Variants in CNTNAP2 observed in about 807,000 individuals in gnomAD.
The protein encoded by CNTNAP2 is contactin-associated protein-like 2.
Under a neutral mutation model 155.2 loss-of-function variants are expected in CNTNAP2, and 98 were observed. The ratio of observed to expected loss-of-function variants is 0.63; its 90% confidence interval spans 0.54 to 0.75. The LOEUF (loss-of-function observed/expected upper bound fraction) is 0.75. CNTNAP2 is among the 30% of genes least tolerant of loss of function. CNTNAP2 has a pLI of 0.00. For missense variants in CNTNAP2, 1,727 were observed against 1,688.1 expected (o/e 1.02, Z -0.40); for synonymous variants, 651 against 631.2 (o/e 1.03, Z -0.47).
chr7:146,730,789 C>T (rs1801511805), intron 1 of CNTNAP2, among the ~76,000 whole-genome samples: 1 of 152,088 alleles, frequency 6.6e-6, no homozygotes, highest in Non-Finnish European at 1.5e-5. Flanking sequence ...TTTTACTTGT[C>T]ATCCTTGTTT....
intron 3 of CNTNAP2, among the ~76,000 whole-genome samples, chr7:146,869,764 C>T (rs1795270270): frequency 6.6e-6 from 1 of 152,108 alleles, no homozygotes; most frequent in South Asian, 2.1e-4. Flanking sequence ...CCAGAAGACT[C>T]AGCAAGTCAG....
At chr7:147,794,796 A>C (rs1221261259) in intron 13 of CNTNAP2, among the ~76,000 whole-genome samples, 1 of 150,762 alleles carries the variant, frequency 6.6e-6, no homozygotes, top group Non-Finnish European at 1.5e-5. Context: ...AATATATTCT[A>C]TTTCTTTCTG....
chr7:147,272,664 A>ATTTTTTTTTTTTTTTT (rs71182188), intron 8 of CNTNAP2, among the ~76,000 whole-genome samples: 29 of 138,950 alleles, frequency 2.1e-4, no homozygotes, highest in Non-Finnish European at 3.6e-4. Flanking sequence ...CGCCCGGCTA[A>ATTTTTTTTTTTTTTTT]TTTTTTTTTT....
intron 3 of CNTNAP2, among the ~76,000 whole-genome samples, chr7:146,997,285 G>C (rs1798330120): frequency 6.6e-6 from 1 of 152,110 alleles, no homozygotes; most frequent in Non-Finnish European, 1.5e-5. Flanking sequence ...ATGAATGCAT[G>C]TTAAATTTTG....
At chr7:146,781,251 AC>A (rs1378287942) in intron 2 of CNTNAP2, among the ~76,000 whole-genome samples, 1 of 151,362 alleles carries the variant, frequency 6.6e-6, no homozygotes, top group African/African-American at 2.4e-5. Flanking sequence ...CAAAAAAAAA[AC>A]ACCCTAGGTG....
intron 1 of CNTNAP2, among the ~76,000 whole-genome samples, chr7:146,546,899 G>T (rs1379626383): frequency 1.3e-5 from 2 of 151,896 alleles, no homozygotes; most frequent in African/African-American, 4.8e-5. Context: ...CATGATTATG[G>T]GAACTACAAT....
At chr7:148,209,178 T>C (rs577289715) in intron 18 of CNTNAP2, among the ~76,000 whole-genome samples, 3 of 152,112 alleles carry the variant, frequency 2.0e-5, no homozygotes, top group African/African-American at 7.2e-5. Context: ...CCAGCTGGAG[T>C]GCAATGGTGC....
chr7:147,748,567 G>A (rs959550044), intron 13 of CNTNAP2, among the ~76,000 whole-genome samples: 3 of 152,166 alleles, frequency 2.0e-5, no homozygotes, highest in African/African-American at 7.2e-5. Context: ...TATATCCAAG[G>A]ATTCACAAGA....
chr7:148,369,643 CATTATTATTATT>C (rs10694264), intron 21 of CNTNAP2, among the ~76,000 whole-genome samples: 24 of 143,450 alleles, frequency 1.7e-4, no homozygotes, highest in East Asian at 1.4e-3. Flanking sequence ...TGTTCTTTAT[CATTATTATTATT>C]ATTATTATTA....
intron 21 of CNTNAP2, among the ~76,000 whole-genome samples, chr7:148,327,086 T>C (rs560483396): frequency 8.9e-4 from 136 of 152,188 alleles, no homozygotes; most frequent in African/African-American, 3.0e-3. Flanking sequence ...CGTTGCTGCA[T>C]CCCAACCACC....
intron 3 of CNTNAP2, among the ~76,000 whole-genome samples, chr7:146,874,295 CTAGA>C (rs1795374739): frequency 6.6e-6 from 1 of 151,966 alleles, no homozygotes; most frequent in Non-Finnish European, 1.5e-5. Flanking sequence ...AGAACTTTGT[CTAGA>C]TAAACAAAAG....
intron 11 of CNTNAP2, among the ~76,000 whole-genome samples, chr7:147,507,152 C>T (rs942755888): frequency 1.3e-4 from 20 of 152,218 alleles, no homozygotes; most frequent in African/African-American, 3.1e-4. Flanking sequence ...ACTCTCTCCC[C>T]GCTCTGCTTC....
At chr7:147,701,992 G>A (rs1056145941) in intron 13 of CNTNAP2, among the ~76,000 whole-genome samples, 2 of 151,290 alleles carry the variant, frequency 1.3e-5, no homozygotes, top group South Asian at 2.1e-4. Flanking sequence ...CTTAACTGAG[G>A]GAAAAAGGAT....
chr7:147,899,533 A>G (rs1012991892), intron 13 of CNTNAP2, among the ~76,000 whole-genome samples: 1 of 152,192 alleles, frequency 6.6e-6, no homozygotes, highest in Non-Finnish European at 1.5e-5. Flanking sequence ...AAAGTTGTCA[A>G]GAGAGTGGAT....
At chr7:146,370,117 T>TA (rs112435730) in intron 1 of CNTNAP2, among the ~76,000 whole-genome samples, 1,484 of 148,160 alleles carry the variant, frequency 0.01, 15 homozygotes, top group Non-Finnish European at 0.016. Context: ...AACCAATGAT[T>TA]AAAAAAAAAA....
At chr7:146,830,318 G>A (rs919501639) in intron 2 of CNTNAP2, among the ~76,000 whole-genome samples, 14 of 152,032 alleles carry the variant, frequency 9.2e-5, no homozygotes, top group African/African-American at 3.1e-4. Context: ...GGGGGAAAAG[G>A]ACGGTGATTT....
intron 13 of CNTNAP2, among the ~76,000 whole-genome samples, chr7:147,789,199 G>A (rs12530662): frequency 0.12 from 17,482 of 151,968 alleles, 1,130 homozygotes; most frequent in East Asian, 0.22. Flanking sequence ...GAGCCACCAC[G>A]CCCGGCCCAA....
chr7:147,211,419 A>G (rs1432066295), intron 8 of CNTNAP2, among the ~76,000 whole-genome samples: 1 of 152,066 alleles, frequency 6.6e-6, no homozygotes, highest in African/African-American at 2.4e-5. Flanking sequence ...AAACTATACT[A>G]TAAAGCTAAA....
At chr7:147,368,914 C>T (rs1796292066) in intron 9 of CNTNAP2, among the ~76,000 whole-genome samples, 7 of 152,086 alleles carry the variant, frequency 4.6e-5, no homozygotes, top group South Asian at 2.1e-4. Context: ...CTTGGGGACC[C>T]ACAGTAGAGA....
Sources: allele counts gnomAD v4.1 joint callset (sites outside exome capture counted in the v4.1 genomes callset), GRCh38; gene constraint gnomAD v4.1.1; transcripts MANE v1.5; gene names NCBI Gene and HGNC (gene_info 2026-07-23, HGNC 2026-07-21).